The following CHD6 variants were observed in gnomAD, a reference collection of about 807,000 sequenced individuals.
CHD6 encodes chromodomain helicase DNA binding protein 6.
Under a neutral mutation model 276.9 loss-of-function variants are expected in CHD6, and 50 were observed. The observed-to-expected ratio is 0.18, with a 90% CI of 0.14 to 0.23. The LOEUF is 0.23. Among genes scored for constraint, CHD6 ranks in the 10% least tolerant of loss-of-function variants. The pLI is 1.00. For missense variants in CHD6, 2,564 were observed against 3,365.8 expected, an observed-to-expected ratio of 0.76 and a Z score of 5.89; for synonymous variants, 1,173 against 1,229.3, an observed-to-expected ratio of 0.95 and a Z score of 0.96.
intron 36 of CHD6, among the ~76,000 whole-genome samples, chr20:41,406,257 A>G (rs1381420507): frequency 6.6e-6 from 1 of 152,094 alleles, no homozygotes; most frequent in Non-Finnish European, 1.5e-5. Context: ...CCTAAGGGAG[A>G]CCATCTATTT....
intron 1 of CHD6, among the ~76,000 whole-genome samples, chr20:41,584,277 G>C (rs893554303): frequency 6.6e-6 from 1 of 152,162 alleles, no homozygotes; most frequent in African/African-American, 2.4e-5. Flanking sequence ...TTAATTCATC[G>C]AAAAGATATA....
intron 20 of CHD6, among the ~76,000 whole-genome samples, chr20:41,453,360 A>C (rs2048297765): frequency 1.3e-5 from 2 of 152,228 alleles, no homozygotes; most frequent in Admixed American, 1.3e-4. Flanking sequence ...CCATCTGCTC[A>C]GCAACTTTCT....
At position 41,493,672 on chromosome 20, in the gene CHD6, C is replaced by T; in HGVS notation, c.1180G>A (p.Glu394Lys). 2 of 1,613,222 alleles carry T rather than the reference C, an allele frequency of 1.2e-6. No individual in the cohort carries two copies. Among genetic ancestry groups the T allele is most frequent in the Non-Finnish European group, 8.5e-7 (1 of 1,179,650 alleles). The change falls in exon 10 of 37, where the codon GAG (glutamate) becomes AAG (lysine). Residue 394 changes from glutamate (E) to lysine (K), a missense_variant and splice_region_variant. Transcript: ENST00000373233. Reference sequence around the variant, plus strand: ...CACTTCACCAGGTAATGTGTTACCTCCTGGTGGGAAAACAGGAAAGAAACT... The same window carrying T: ...CACTTCACCAGGTAATGTGTTACCTTCTGGTGGGAAAACAGGAAAGAAACT... ...AHTKDAETGEEVTHYLVKWCS... is the reference protein window; with the variant it reads ...AHTKDAETGEKVTHYLVKWCS...
chr20:41,525,279 G>A (rs1490951091), intron 3 of CHD6, among the ~76,000 whole-genome samples: 1 of 152,148 alleles, frequency 6.6e-6, no homozygotes, highest in Non-Finnish European at 1.5e-5. Flanking sequence ...CCTTCCCCAG[G>A]GCAAACTGCC....
In CHD6 at chr20:41,503,516, A is replaced by C. The variant is rs1016226272; in HGVS notation, c.853-4159T>G. Among the ~76,000 whole-genome samples the C allele has an allele frequency of 3.3e-5, 5 of 152,120 alleles. No individual in the cohort carries two copies. The East Asian group carries it at 9.6e-4, about 29-fold the overall frequency. On this transcript the variant is annotated intron_variant, in intron 5 of 36. Transcript: ENST00000373233. ...TTTTCTTACTCTCAAATTCAGGAGA[A>C]TGCATTCAATATTGTACTACTTAAT...
intron 1 of CHD6, among the ~76,000 whole-genome samples, chr20:41,588,091 G>A (rs1447013590): frequency 2.6e-5 from 4 of 151,966 alleles, no homozygotes; most frequent in Admixed American, 6.6e-5. Context: ...GGAAAAGAAG[G>A]GTGAGGCTGA....
chr20:41,610,153 G>C (rs1000594164), intron 1 of CHD6, among the ~76,000 whole-genome samples: 1 of 152,004 alleles, frequency 6.6e-6, no homozygotes, highest in Non-Finnish European at 1.5e-5. Context: ...ATTGGTGCCC[G>C]GCCTATGTTT....
chr20:41,521,982 G>A (rs2044410802), intron 3 of CHD6, among the ~76,000 whole-genome samples: 3 of 152,176 alleles, frequency 2.0e-5, no homozygotes, highest in South Asian at 4.1e-4. Flanking sequence ...ATGAATAAGG[G>A]ATAAGGGGGA....
At position 41,593,202 on chromosome 20, in the gene CHD6, A is replaced by AGGGG. The variant is rs5841412; in HGVS notation, c.-24+25134_-24+25137dup. Among the ~76,000 whole-genome samples the AGGGG allele has an allele frequency of 5.6e-3, 657 of 117,354 alleles. 10 individuals are homozygous for AGGGG. The highest frequency in any genetic ancestry group is 1.0e-2 in the Non-Finnish European group (512 of 51,424). 77.0% of individuals were successfully genotyped at this position (117,354 alleles called of 152,430 possible). On this transcript the variant is annotated intron_variant, in intron 1 of 36. Coordinates refer to ENST00000373233, the MANE Select transcript of CHD6 (RefSeq NM_032221.5). ...ACTGTTTAACTCAGCCCAATCAAAA[A>AGGGG]GGGGGGGGGGGGTTAAATAGTAAAA...
At chr20:41,579,465 G>A (rs1016368359) in intron 1 of CHD6, among the ~76,000 whole-genome samples, 7 of 122,052 alleles carry the variant, frequency 5.7e-5, no homozygotes, top group African/African-American at 2.2e-4. Flanking sequence ...ATCTTAAAAG[G>A]CTAAAAGAAA....
intron 1 of CHD6, among the ~76,000 whole-genome samples, chr20:41,565,601 T>C (rs1182689270): frequency 6.6e-6 from 1 of 152,078 alleles, no homozygotes; most frequent in East Asian, 1.9e-4. Context: ...TAATGAAACT[T>C]AGGGTTAGAG....
intron 31 of CHD6, among the ~76,000 whole-genome samples, chr20:41,418,108 A>G (rs146689237): frequency 1.2e-3 from 185 of 152,326 alleles, no homozygotes; most frequent in African/African-American, 4.2e-3. Flanking sequence ...CAAGTCTCCT[A>G]GGGAGCTGCA....
intron 2 of CHD6, among the ~76,000 whole-genome samples, chr20:41,541,310 G>A (rs4603841): frequency 0.37 from 56,918 of 152,014 alleles, 13,546 homozygotes; most frequent in African/African-American, 0.66. Flanking sequence ...GTCCAGGAAC[G>A]TTTCTATTTC....
intron 1 of CHD6, among the ~76,000 whole-genome samples, chr20:41,555,918 T>G (rs1289702124): frequency 6.6e-6 from 1 of 152,072 alleles, no homozygotes; most frequent in East Asian, 1.9e-4. Flanking sequence ...TGGTGGAGGT[T>G]GTAGCGAGCC....
At chr20:41,422,126 C>G in intron 30 of CHD6, 47 bp from the exon 31 acceptor site, 1 of 1,545,438 alleles carries the variant, frequency 6.5e-7, no homozygotes, top group Non-Finnish European at 8.7e-7. Context: ...TGACCTCAGA[C>G]ACTCCCCGCC....
chr20:41,516,440 CTGAGAT>C (rs2044253752), intron 3 of CHD6, among the ~76,000 whole-genome samples: 1 of 152,118 alleles, frequency 6.6e-6, no homozygotes, highest in African/African-American at 2.4e-5. Flanking sequence ...TTCCAGAGTG[CTGAGAT>C]TACAGGTGTG....
In CHD6 at chr20:41,483,502, G is replaced by C. The variant is rs1018145382; in HGVS notation, c.2275C>G (p.Leu759Val). The change falls in exon 16 of 37, where the codon CTA becomes GTA. Residue 759 changes from leucine to valine, a missense_variant. Leu to Val is a conservative substitution (Grantham distance 32). Coordinates refer to ENST00000373233, the MANE Select transcript of CHD6 (RefSeq NM_032221.5). ...CTGTGGGTTTTTCGGAAATCTTCTA[G>C]AATTTTCTCCTCTGCTCCTGAAAAG... ...YLINGAEEKI[L>V]EDFRKTHSPD... 6.2e-7 allele frequency: 1 copy of C among 1,612,364 alleles called. No homozygotes were observed. The highest frequency in any genetic ancestry group is 8.5e-7 in the Non-Finnish European group (1 of 1,179,302).
chr20:41,416,513 T>G (rs1168174924), intron 33 of CHD6, 75 bp downstream of exon 33: 10 of 1,369,032 alleles, frequency 7.3e-6, no homozygotes, highest in Non-Finnish European at 1.0e-5. Context: ...ACTTGCTGAA[T>G]GAATGAACTC....
Position 41,413,655 on chromosome 20 carries a change from A to T in CHD6, c.6940-140T>A, listed in dbSNP as rs555411178. ...TACTCAGCTGGGGTGCCTGAATTAG[A>T]ACCCTACACACACCACTGACCCACG... On this transcript the variant is annotated intron_variant, in intron 34 of 36. Transcript: ENST00000373233. 12 of 679,860 alleles carry T rather than the reference A, an allele frequency of 1.8e-5. No individual in the cohort carries two copies. The Admixed American group carries it at 2.9e-4, about 16-fold the overall frequency. 42.1% of individuals were successfully genotyped at this position (679,860 alleles called of 1,614,324 possible).
Sources: gnomAD v4.1 joint callset for allele counts (sites outside exome capture counted in the v4.1 genomes callset) on GRCh38, gnomAD v4.1.1 for gene constraint, MANE v1.5 for transcripts, NCBI Gene and HGNC (gene_info 2026-07-23, HGNC 2026-07-21) for gene names.